ZNF704: variants seen among roughly 807,000 people sequenced by gnomAD.
The protein encoded by ZNF704 is glucocorticoid induced gene 1.
Under a neutral mutation model 44.7 loss-of-function variants are expected in ZNF704, and 10 were observed. The observed-to-expected ratio is 0.22, with a 90% CI of 0.14 to 0.38. The LOEUF is 0.38. ZNF704 is among the 10% of genes least tolerant of loss of function. The pLI is 1.00. For synonymous variants in ZNF704, 211 were observed against 207.6 expected (o/e 1.02, Z -0.14); for missense variants, 390 against 545.5 (o/e 0.71, Z 2.84).
chr8:80,862,299 A>G (rs1267503181), intron 1 of ZNF704, among the ~76,000 whole-genome samples: 1 of 152,150 alleles, frequency 6.6e-6, no homozygotes, highest in Non-Finnish European at 1.5e-5. Flanking sequence ...TGAAAACTAT[A>G]TCATTTCTAT....
intron 2 of ZNF704, among the ~76,000 whole-genome samples, chr8:80,801,580 A>G (rs187294714): frequency 1.3e-5 from 2 of 152,338 alleles, no homozygotes; most frequent in East Asian, 3.9e-4. Flanking sequence ...TTAAATAATG[A>G]AATTAAGGCA....
chr8:80,742,538 TC>T (rs1806778308), intron 2 of ZNF704, among the ~76,000 whole-genome samples: 1 of 152,132 alleles, frequency 6.6e-6, no homozygotes, highest in African/African-American at 2.4e-5. Flanking sequence ...AAAGAAATAA[TC>T]CCCTGCACTG....
chr8:80,817,244 AC>A (rs2129863746), intron 2 of ZNF704, among the ~76,000 whole-genome samples: 1 of 152,286 alleles, frequency 6.6e-6, no homozygotes, highest in Non-Finnish European at 1.5e-5. Context: ...ATGAGTACGC[AC>A]CTTACAGATC....
intron 1 of ZNF704, among the ~76,000 whole-genome samples, chr8:80,841,182 T>C (rs1043028121): frequency 1.3e-5 from 2 of 152,266 alleles, no homozygotes; most frequent in African/African-American, 4.8e-5. Context: ...AAATCTCTTC[T>C]GCACATGGCA....
chr8:80,819,067 G>A (rs543256144), intron 2 of ZNF704, among the ~76,000 whole-genome samples: 26 of 152,056 alleles, frequency 1.7e-4, no homozygotes, highest in Non-Finnish European at 3.1e-4. Context: ...ATGAAAACAA[G>A]TATATTAGTA....
chr8:80,641,498 G>A (rs757251783), intron 8 of ZNF704, 21 bp from the exon 9 acceptor site: 4 of 1,547,244 alleles, frequency 2.6e-6, no homozygotes, highest in African/African-American at 2.7e-5. Context: ...GACGAGGAAG[G>A]TTAGTTTAGT....
At chr8:80,804,633 C>T (rs986083818) in intron 2 of ZNF704, among the ~76,000 whole-genome samples, 1 of 152,032 alleles carries the variant, frequency 6.6e-6, no homozygotes, top group African/African-American at 2.4e-5. Context: ...AGGATGAGAA[C>T]ACATGGACAC....
intron 2 of ZNF704, among the ~76,000 whole-genome samples, chr8:80,745,112 C>T (rs186480505): frequency 6.8e-4 from 104 of 152,290 alleles, no homozygotes; most frequent in African/African-American, 2.5e-3. Context: ...ATTCCTACAA[C>T]CTCCTGCAGC....
At chr8:80,684,799 G>A (rs759002949) in intron 4 of ZNF704, among the ~76,000 whole-genome samples, 10 of 151,930 alleles carry the variant, frequency 6.6e-5, no homozygotes, top group Non-Finnish European at 1.5e-4. Flanking sequence ...TTATTCTCAG[G>A]GCAATAAGCA....
intron 2 of ZNF704, among the ~76,000 whole-genome samples, chr8:80,715,852 G>A (rs952759121): frequency 6.6e-6 from 1 of 152,104 alleles, no homozygotes; most frequent in African/African-American, 2.4e-5. Context: ...GGCCGAGGCA[G>A]GTGGATCACC....
chr8:80,652,677 TA>T lies in ZNF704; in HGVS notation c.1032+6907del. 2.0e-5 allele frequency among the ~76,000 whole-genome samples: 3 copies of T among 152,214 alleles called. 1 individual carries two copies. The South Asian group carries it at 6.2e-4, about 32-fold the overall frequency. Reference sequence around the variant, plus strand: ...GCTCTGAAATTCAGGCAATCATTAATAGCTTACCAACCAAAAAAAGTCCAGG... The same window carrying T: ...GCTCTGAAATTCAGGCAATCATTAATGCTTACCAACCAAAAAAAGTCCAGG... On this transcript the variant is annotated intron_variant, in intron 7 of 8. Coordinates refer to ENST00000327835, the MANE Select transcript of ZNF704 (RefSeq NM_001033723.3).
chr8:80,873,541 C>T (rs902986496), intron 1 of ZNF704: 4 of 151,872 alleles, frequency 2.6e-5, no homozygotes, highest in Admixed American at 2.6e-4. Flanking sequence ...GCCCAACACG[C>T]ACCTTCAACG....
chr8:80,849,848 T>G (rs1373345333), intron 1 of ZNF704, among the ~76,000 whole-genome samples: 1 of 152,236 alleles, frequency 6.6e-6, no homozygotes, highest in Non-Finnish European at 1.5e-5. Context: ...GGGGCTAGTT[T>G]TTTACACTTA....
chr8:80,764,669 T>C (rs1313672310), intron 2 of ZNF704, among the ~76,000 whole-genome samples: 1 of 152,210 alleles, frequency 6.6e-6, no homozygotes, highest in Non-Finnish European at 1.5e-5. Context: ...TTTCTATGTA[T>C]ATGCTGTCCA....
At chr8:80,826,041 C>T (rs202238787) in intron 1 of ZNF704, among the ~76,000 whole-genome samples, 189 of 151,254 alleles carry the variant, frequency 1.2e-3, no homozygotes, top group Non-Finnish European at 2.0e-3. Context: ...GCAAACACAT[C>T]CAAAAGCTAG....
At chr8:80,655,133 T>C (rs981271419) in intron 7 of ZNF704, among the ~76,000 whole-genome samples, 1 of 151,782 alleles carries the variant, frequency 6.6e-6, no homozygotes, top group Non-Finnish European at 1.5e-5. Context: ...TAGATGGGAA[T>C]TGAACAATGA....
At chr8:80,882,707 G>T in the ZNF704 span, among the ~76,000 whole-genome samples, 1 of 151,860 alleles carries the variant, frequency 6.6e-6, no homozygotes, top group African/African-American at 2.4e-5. Context: ...CTTCAATTTT[G>T]ATTTCCTTTT....
chr8:80,806,167 T>C (rs1249257120), intron 2 of ZNF704, among the ~76,000 whole-genome samples: 2 of 152,204 alleles, frequency 1.3e-5, no homozygotes, highest in African/African-American at 4.8e-5. Flanking sequence ...AATGAAAATG[T>C]GGTAAAGTTT....
chr8:80,810,146 C>A (rs1369628122), intron 2 of ZNF704, among the ~76,000 whole-genome samples: 3 of 152,208 alleles, frequency 2.0e-5, no homozygotes, highest in African/African-American at 7.2e-5. Flanking sequence ...CACTCCCTAG[C>A]TCCTCATGCC....
Sources: gnomAD v4.1 joint callset for allele counts (sites outside exome capture counted in the v4.1 genomes callset) on GRCh38, gnomAD v4.1.1 for gene constraint, MANE v1.5 for transcripts, NCBI Gene and HGNC (gene_info 2026-07-23, HGNC 2026-07-21) for gene names.